The following PDIA3 variants were observed in gnomAD, a reference collection of about 807,000 sequenced individuals.
PDIA3 encodes protein disulfide isomerase family A member 3.
Under a neutral mutation model 56.9 loss-of-function variants are expected in PDIA3, and 16 were observed. That is an observed-to-expected ratio of 0.28 (90% CI 0.19 to 0.43). PDIA3 has a LOEUF of 0.43. Ranked by LOEUF, PDIA3 falls within the 20% of genes least tolerant of loss-of-function variation. The pLI is 1.00. For synonymous variants in PDIA3, 192 were observed against 216.5 expected, an observed-to-expected ratio of 0.89 and a Z score of 0.99; for missense variants, 485 against 621.3, an observed-to-expected ratio of 0.78 and a Z score of 2.33.
intron 7 of PDIA3, 127 bp downstream of exon 7, chr15:43,766,139 A>G: frequency 1.6e-6 from 1 of 639,920 alleles, no homozygotes. Context: ...AGAGGTAAAA[A>G]AAAAAAAAAA....
chr15:43,769,797 C>A, intron 10 of PDIA3, 151 bp downstream of exon 10: 1 of 792,976 alleles, frequency 1.3e-6, no homozygotes, highest in Non-Finnish European at 2.0e-6. Flanking sequence ...GTGACTGCCC[C>A]CTAGTGCTCC....
At chr15:43,752,981 A>G in intron 1 of PDIA3, 1 of 434,822 alleles carries the variant, frequency 2.3e-6, no homozygotes, top group South Asian at 1.6e-5. Context: ...ATCACTTCTC[A>G]TGGCTAGGTG....
chr15:43,765,624 C>A, intron 6 of PDIA3, 58 bp downstream of exon 6: 1 of 1,120,000 alleles, frequency 8.9e-7, no homozygotes, highest in South Asian at 1.3e-5. Flanking sequence ...GTTTGTTTAC[C>A]TCAGTTATTA....
intron 8 of PDIA3, among the ~76,000 whole-genome samples, chr15:43,767,897 T>C (rs1299914426): frequency 6.6e-6 from 1 of 151,890 alleles, no homozygotes; most frequent in Admixed American, 6.6e-5. Context: ...ACTTGATCAC[T>C]TGAGCCCATG....
intron 1 of PDIA3, 137 bp downstream of exon 1, chr15:43,746,843 T>A: frequency 1.0e-6 from 1 of 975,584 alleles, no homozygotes; most frequent in Non-Finnish European, 1.5e-6. Context: ...CATTTCTCAT[T>A]CCCGGGAGCT....
intron 1 of PDIA3, among the ~76,000 whole-genome samples, chr15:43,747,783 A>T (rs1197231961): frequency 6.6e-6 from 1 of 152,190 alleles, no homozygotes; most frequent in Non-Finnish European, 1.5e-5. Flanking sequence ...CTTCAGACTC[A>T]GGTCTTCCCT....
intron 3 of PDIA3, among the ~76,000 whole-genome samples, chr15:43,760,536 T>C (rs2086808168): frequency 6.7e-6 from 1 of 150,340 alleles, no homozygotes; most frequent in African/African-American, 2.4e-5. Context: ...AAAACTTTTT[T>C]TTTTTTTTTT....
intron 1 of PDIA3, chr15:43,752,911 A>G: frequency 2.1e-6 from 1 of 469,458 alleles, no homozygotes. Context: ...TTTTCTGGGC[A>G]GAGGAGCCGG....
chr15:43,773,052 G>T lies in PDIA3; in HGVS notation c.*1834G>T. 1 of 1,442,212 alleles carries T rather than the reference G, an allele frequency of 6.9e-7. No homozygotes were observed. Among genetic ancestry groups the T allele is most frequent in the Non-Finnish European group, 9.4e-7 (1 of 1,061,038 alleles). 89.3% of individuals were successfully genotyped at this position (1,442,212 alleles called of 1,614,324 possible). A position where few individuals can be genotyped will look rare whatever the true frequency, so the allele number is the denominator to read the frequency against. ...AAAGCAGATAGTTGCATTCTATTTA[G>T]TTTATAGCTGCTTTGTTCCTTTGTG... On this transcript the variant is annotated 3_prime_UTR_variant, in exon 13 of 13. Transcript: ENST00000300289.
At chr15:43,760,324 G>A (rs944966582) in intron 3 of PDIA3, among the ~76,000 whole-genome samples, 5 of 151,576 alleles carry the variant, frequency 3.3e-5, no homozygotes, top group Non-Finnish European at 5.9e-5. Flanking sequence ...CTGGGAGGTC[G>A]AGGCTGCAGT....
chr15:43,765,858 C>T, intron 6 of PDIA3, 29 bp from the exon 7 acceptor site: 1 of 1,591,248 alleles, frequency 6.3e-7, no homozygotes, highest in Non-Finnish European at 8.5e-7. Flanking sequence ...ACTTGGCAAG[C>T]CAGTTGATAA....
chr15:43,763,087 T>C lies in PDIA3; in HGVS notation c.483T>C (p.Asp161=). 2 of 1,613,990 alleles carry C rather than the reference T, an allele frequency of 1.2e-6. No homozygotes were observed. Among genetic ancestry groups the C allele is most frequent in the Non-Finnish European group, 1.7e-6 (2 of 1,179,884 alleles). Residue 161 remains aspartate, a synonymous_variant, in exon 5 of 13, where the codon GAT becomes GAC. Coordinates refer to ENST00000300289, the MANE Select transcript of PDIA3 (RefSeq NM_005313.5). ...ATATTTTCTGTATAGGTTTTTTCGA[T>C]GATTCATTCAGTGAGGCTCACTCCG... ...DKDASIVGFF[D]DSFSEAHSEF...
At chr15:43,757,897 T>G (rs945802994) in intron 3 of PDIA3, among the ~76,000 whole-genome samples, 1 of 150,316 alleles carries the variant, frequency 6.7e-6, no homozygotes, top group Admixed American at 6.6e-5. Context: ...TCTCCATGTA[T>G]ATATGGATAA....
At chr15:43,749,799 G>T (rs1051330149) in intron 1 of PDIA3, among the ~76,000 whole-genome samples, 3 of 152,014 alleles carry the variant, frequency 2.0e-5, no homozygotes, top group Non-Finnish European at 2.9e-5. Context: ...AAAATTAACC[G>T]GGCATGGTAG....
chr15:43,753,531 C>A lies in PDIA3; in HGVS notation c.168-293C>A, dbSNP rs74525239. Among the ~76,000 whole-genome samples the A allele has an allele frequency of 7.4e-4, 113 of 152,320 alleles. 2 individuals are homozygous for A. In the East Asian group the frequency reaches 0.016, roughly 21 times the overall value. On this transcript the variant is annotated intron_variant, in intron 1 of 12. Transcript: ENST00000300289. ...CAACCCTCTTTAATAATGTGGCGTA[C>A]ACCTTTGACTACAGCTTTCACAACT...
chr15:43,756,060 A>G (rs528480016), intron 2 of PDIA3, among the ~76,000 whole-genome samples: 51 of 152,342 alleles, frequency 3.3e-4, no homozygotes, highest in African/African-American at 1.2e-3. Flanking sequence ...TAATATATGC[A>G]AAGTACTTGT....
chr15:43,751,604 A>T (rs1308601533), intron 1 of PDIA3: 2 of 1,304,090 alleles, frequency 1.5e-6, no homozygotes, highest in Non-Finnish European at 2.0e-6. Context: ...GCTGGATTTG[A>T]AGAGGAGAGT....
At chr15:43,760,733 G>A (rs185411392) in intron 3 of PDIA3, among the ~76,000 whole-genome samples, 3,193 of 150,994 alleles carry the variant, frequency 0.021, 88 homozygotes, top group South Asian at 0.079. Context: ...GGGTTTCACC[G>A]TGTTAGCCAG....
chr15:43,769,525 T>TA lies in PDIA3; in HGVS notation c.1146dup (p.Ala383SerfsTer5). ...TTCTTCTGTGTTTTCCAGGTAGTGG[T>TA]AGCAGAGAATTTTGATGAAATAGTG... On this transcript the variant is annotated frameshift_variant, in exon 10 of 13. Coordinates refer to ENST00000300289, the MANE Select transcript of PDIA3 (RefSeq NM_005313.5). LOFTEE classifies it high-confidence loss of function. 1 of 1,613,228 alleles carries TA rather than the reference T, an allele frequency of 6.2e-7. No individual in the cohort carries two copies. Among genetic ancestry groups the TA allele is most frequent in the South Asian group, 1.1e-5 (1 of 91,062 alleles).
Sources: allele counts gnomAD v4.1 joint callset (sites outside exome capture counted in the v4.1 genomes callset), GRCh38; gene constraint gnomAD v4.1.1; transcripts MANE v1.5; gene names NCBI Gene and HGNC (gene_info 2026-07-23, HGNC 2026-07-21).